The following ESCO1 variants were observed in gnomAD, a reference collection of about 807,000 sequenced individuals.
ESCO1 encodes N-acetyltransferase ESCO1.
In ESCO1, 33 loss-of-function variants were observed where a neutral mutation model predicts 83.5. The observed-to-expected ratio is 0.40, with a 90% CI of 0.30 to 0.53. The LOEUF is 0.53. Among genes scored for constraint, ESCO1 ranks in the 20% least tolerant of loss-of-function variants. ESCO1 has a pLI of 0.63. For synonymous variants in ESCO1, 332 were observed against 324.3 expected (o/e 1.02, Z -0.25); for missense variants, 855 against 968.0 (o/e 0.88, Z 1.55).
intron 7 of ESCO1, among the ~76,000 whole-genome samples, chr18:21,563,501 C>T (rs137937351): frequency 3.2e-4 from 48 of 152,250 alleles, no homozygotes; most frequent in African/African-American, 1.2e-3. Context: ...GCATCTGCCA[C>T]CACGCCTGGC....
chr18:21,560,813 C>A, intron 8 of ESCO1, 46 bp downstream of exon 8: 2 of 1,585,620 alleles, frequency 1.3e-6, no homozygotes, highest in South Asian at 2.4e-5. Flanking sequence ...AGAGACCGAC[C>A]TAATTATCTG....
chr18:21,579,784 ACGCGCG>A (rs199944972), intron 2 of ESCO1, among the ~76,000 whole-genome samples: 4 of 60,196 alleles, frequency 6.6e-5, no homozygotes, highest in Admixed American at 1.6e-4. Flanking sequence ...ACACACACAC[ACGCGCG>A]CGCGCACACA....
intron 5 of ESCO1, among the ~76,000 whole-genome samples, 176 bp downstream of exon 5, chr18:21,567,804 A>G (rs1408953762): frequency 1.3e-5 from 2 of 152,228 alleles, no homozygotes; most frequent in African/African-American, 4.8e-5. Context: ...AAACAAACCA[A>G]TCAACAGAAG....
intron 1 of ESCO1, among the ~76,000 whole-genome samples, chr18:21,590,123 G>C (rs981215804): frequency 6.8e-6 from 1 of 146,668 alleles, no homozygotes; most frequent in Non-Finnish European, 1.5e-5. Context: ...CACTGCGTCC[G>C]GCCGCAAGTC....
intron 7 of ESCO1, 98 bp from the exon 8 acceptor site, chr18:21,561,088 G>T: frequency 8.5e-7 from 1 of 1,178,206 alleles, no homozygotes; most frequent in Non-Finnish European, 1.1e-6. Flanking sequence ...AGTAAGAATT[G>T]TTTAATCTAC....
chr18:21,573,471 A>C lies in ESCO1; in HGVS notation c.1373T>G (p.Ile458Ser). 1.2e-6 allele frequency: 2 copies of C among 1,611,864 alleles called. No individual in the cohort carries two copies. Among genetic ancestry groups the C allele is most frequent in the Non-Finnish European group, 1.7e-6 (2 of 1,179,582 alleles). ...ATTAATTTTCACTTCTTCAGAATTA[A>C]TTTCTTTCATTTTTTCCTGCTGGCA... ...ITCQQEKMKE[I>S]NSEEVKINDI... The change falls in exon 4 of 12, where the codon ATT (isoleucine) becomes AGT (serine). Residue 458 changes from isoleucine (I) to serine (S), a missense_variant. Coordinates refer to ENST00000269214, the MANE Select transcript of ESCO1 (RefSeq NM_052911.3).
At chr18:21,543,615 T>A (rs2037934584) in intron 8 of ESCO1, among the ~76,000 whole-genome samples, 1 of 151,118 alleles carries the variant, frequency 6.6e-6, no homozygotes, top group Non-Finnish European at 1.5e-5. Flanking sequence ...ATGTGTAGAT[T>A]TAATTGTATA....
At chr18:21,567,139 A>G (rs1297174204) in intron 5 of ESCO1, among the ~76,000 whole-genome samples, 2 of 151,980 alleles carry the variant, frequency 1.3e-5, no homozygotes, top group Non-Finnish European at 2.9e-5. Context: ...TCCTCATCCA[A>G]CAGTTCAAAT....
At position 21,573,837 on chromosome 18, in the gene ESCO1, G is replaced by A. The variant is rs1367879419; in HGVS notation, c.1007C>T (p.Pro336Leu). 2 of 1,613,736 alleles carry A rather than the reference G, an allele frequency of 1.2e-6. No homozygotes were observed. The highest frequency in any genetic ancestry group is 1.7e-6 in the Non-Finnish European group (2 of 1,179,974). Reference sequence around the variant, plus strand: ...GGTCTCTTCCAATTTTATTTCTGTGGGCTTTTCTTCCTTTACACTTTCCAT... The same window carrying A: ...GGTCTCTTCCAATTTTATTTCTGTGAGCTTTTCTTCCTTTACACTTTCCAT... ...SQMESVKEEKPTEIKLEETSV... is the reference protein window; with the variant it reads ...SQMESVKEEKLTEIKLEETSV... The change falls in exon 4 of 12, where the codon CCC becomes CTC. Residue 336 changes from proline (P) to leucine (L), a missense_variant. Physicochemically the swap from Pro to Leu is moderately conservative, Grantham distance 98 (BLOSUM62 -3). Transcript: ENST00000269214.
chr18:21,595,873 A>C (rs2038759014), intron 1 of ESCO1, among the ~76,000 whole-genome samples: 1 of 151,256 alleles, frequency 6.6e-6, no homozygotes, highest in African/African-American at 2.4e-5. Flanking sequence ...CTGAGGCAGG[A>C]CAATGGCATG....
chr18:21,544,833 A>G (rs2037951824), intron 8 of ESCO1, among the ~76,000 whole-genome samples: 1 of 152,178 alleles, frequency 6.6e-6, no homozygotes, highest in Non-Finnish European at 1.5e-5. Flanking sequence ...CTATTGTCAA[A>G]ACTGTACCAA....
intron 1 of ESCO1, among the ~76,000 whole-genome samples, chr18:21,585,483 C>T (rs1399724628): frequency 2.6e-5 from 4 of 151,990 alleles, no homozygotes; most frequent in African/African-American, 4.8e-5. Context: ...GATCCATTGC[C>T]GTAAATGTAT....
At chr18:21,598,608 A>G (rs2038797646) in intron 1 of ESCO1, among the ~76,000 whole-genome samples, 1 of 152,156 alleles carries the variant, frequency 6.6e-6, no homozygotes, top group Non-Finnish European at 1.5e-5. Flanking sequence ...AGGCCGAGGC[A>G]GGAGAATCAC....
At chr18:21,595,026 T>G (rs1427468342) in intron 1 of ESCO1, among the ~76,000 whole-genome samples, 3 of 151,590 alleles carry the variant, frequency 2.0e-5, no homozygotes, top group Non-Finnish European at 4.4e-5. Context: ...AGTGTTTTTT[T>G]TGTAGAGACG....
At chr18:21,543,255 A>T (rs1470672332) in intron 8 of ESCO1, among the ~76,000 whole-genome samples, 1 of 152,168 alleles carries the variant, frequency 6.6e-6, no homozygotes, top group Non-Finnish European at 1.5e-5. Flanking sequence ...CCCGGGTTCA[A>T]GCAATTCTCC....
intron 8 of ESCO1, among the ~76,000 whole-genome samples, chr18:21,556,177 C>A (rs528035621): frequency 2.0e-5 from 3 of 152,132 alleles, no homozygotes; most frequent in Non-Finnish European, 4.4e-5. Context: ...TTGCTGGAGC[C>A]CAGGAGTTTG....
intron 3 of ESCO1, 97 bp downstream of exon 3, chr18:21,575,575 C>G (rs777173483): frequency 9.8e-5 from 39 of 398,046 alleles, no homozygotes; most frequent in Admixed American, 4.4e-5. Context: ...GCTAACAGAA[C>G]GAAGTATCCC....
chr18:21,583,932 CATT>C (rs2038538696), intron 2 of ESCO1, among the ~76,000 whole-genome samples: 2 of 152,202 alleles, frequency 1.3e-5, no homozygotes, highest in Admixed American at 6.6e-5. Context: ...GACGAAGAAA[CATT>C]ATTAAACCAA....
At chr18:21,566,858 T>TAAA (rs2038268769) in intron 5 of ESCO1, among the ~76,000 whole-genome samples, 1 of 131,454 alleles carries the variant, frequency 7.6e-6, no homozygotes, top group African/African-American at 2.9e-5. Flanking sequence ...AGGCTCTGCC[T>TAAA]CAAAAAAAAA....
Sources: allele counts gnomAD v4.1 joint callset (sites outside exome capture counted in the v4.1 genomes callset), GRCh38; gene constraint gnomAD v4.1.1; transcripts MANE v1.5; gene names NCBI Gene and HGNC (gene_info 2026-07-23, HGNC 2026-07-21).